FAM171B: variants seen among roughly 807,000 people sequenced by gnomAD.
FAM171B encodes family with sequence similarity 171 member B.
A neutral mutation model predicts 75.6 loss-of-function variants in FAM171B; 19 were observed. That is an observed-to-expected ratio of 0.25 (90% CI 0.18 to 0.37). The LOEUF (loss-of-function observed/expected upper bound fraction) is 0.37. Among genes scored for constraint, FAM171B ranks in the 10% least tolerant of loss-of-function variants. FAM171B has a pLI of 1.00. For synonymous variants in FAM171B, 367 were observed against 361.7 expected, an observed-to-expected ratio of 1.01 and a Z score of -0.17; for missense variants, 848 against 982.4, an observed-to-expected ratio of 0.86 and a Z score of 1.83.
chr2:186,717,858 C>T lies in FAM171B; in HGVS notation c.239-22370C>T, dbSNP rs534197868. Among the ~76,000 whole-genome samples, 65 of 152,240 alleles carry T rather than the reference C, an allele frequency of 4.3e-4. 1 individual carries two copies. The South Asian group carries it at 0.012, about 29-fold the overall frequency. Reference sequence around the variant, plus strand: ...CTTCATGCTTAGTTGTAATGACATACGGATTTGTCTGCAACCTCCTGCTAG... The same window carrying T: ...CTTCATGCTTAGTTGTAATGACATATGGATTTGTCTGCAACCTCCTGCTAG... On this transcript the variant is annotated intron_variant, in intron 1 of 7. Coordinates refer to ENST00000304698, the MANE Select transcript of FAM171B (RefSeq NM_177454.4).
chr2:186,708,190 T>C (rs1035411078), intron 1 of FAM171B, among the ~76,000 whole-genome samples: 2 of 152,196 alleles, frequency 1.3e-5, no homozygotes, highest in African/African-American at 4.8e-5. Flanking sequence ...GAAAAGGCTG[T>C]AGGACCTTGG....
At chr2:186,737,194 A>G (rs1347921975) in intron 1 of FAM171B, among the ~76,000 whole-genome samples, 2 of 152,240 alleles carry the variant, frequency 1.3e-5, no homozygotes, top group African/African-American at 2.4e-5. Flanking sequence ...AAGAGAAAGC[A>G]TCTTTCACAG....
chr2:186,739,023 A>G (rs1398322628), intron 1 of FAM171B, among the ~76,000 whole-genome samples: 3 of 152,254 alleles, frequency 2.0e-5, no homozygotes, highest in Non-Finnish European at 4.4e-5. Flanking sequence ...TCTGTACAGC[A>G]TATTACTGTA....
intron 1 of FAM171B, among the ~76,000 whole-genome samples, chr2:186,697,186 T>C (rs886575989): frequency 6.6e-6 from 1 of 152,214 alleles, no homozygotes; most frequent in Non-Finnish European, 1.5e-5. Context: ...AAATTTTGGA[T>C]CTTTAATTTT....
chr2:186,738,740 AATGT>A (rs2105785285), intron 1 of FAM171B, among the ~76,000 whole-genome samples: 1 of 152,260 alleles, frequency 6.6e-6, no homozygotes, highest in Admixed American at 6.5e-5. Context: ...ACACAATAAA[AATGT>A]ATTTTCCTTA....
At chr2:186,706,402 A>G (rs1689733824) in intron 1 of FAM171B, among the ~76,000 whole-genome samples, 2 of 152,290 alleles carry the variant, frequency 1.3e-5, no homozygotes, top group East Asian at 1.9e-4. Context: ...CACACTTCTC[A>G]TGATATCATT....
In FAM171B at chr2:186,751,388, C is replaced by A. The variant is rs886718357; in HGVS notation, c.895+84C>A. The A allele has an allele frequency of 4.8e-6, 6 of 1,244,900 alleles. No homozygotes were observed. In the Admixed American group the frequency reaches 8.7e-5, roughly 18 times the overall value. 77.1% of individuals were successfully genotyped at this position (1,244,900 alleles called of 1,614,324 possible). Reference sequence around the variant, plus strand: ...GGATGTTTTATCTTAGAACTTGATACAGCTCTAGTTTTTTAGTAACATCAC... The same window carrying A: ...GGATGTTTTATCTTAGAACTTGATAAAGCTCTAGTTTTTTAGTAACATCAC... On this transcript the variant is annotated intron_variant, in intron 5 of 7. Coordinates refer to ENST00000304698, the MANE Select transcript of FAM171B (RefSeq NM_177454.4).
At chr2:186,694,466 G>GCCTCGCCGGCTT (rs1343711557) in intron 1 of FAM171B, 55 bp downstream of exon 1, 4 of 1,552,670 alleles carry the variant, frequency 2.6e-6, no homozygotes, top group Non-Finnish European at 3.5e-6. Flanking sequence ...ATCTCTTAGG[G>GCCTCGCCGGCTT]CCTCGCCGGC....
At position 186,753,989 on chromosome 2, in the gene FAM171B, T is replaced by A; in HGVS notation, c.952T>A (p.Trp318Arg). 1 of 1,613,634 alleles carries A rather than the reference T, an allele frequency of 6.2e-7. No individual in the cohort carries two copies. The highest frequency in any genetic ancestry group is 8.5e-7 in the Non-Finnish European group (1 of 1,179,762). Reference protein sequence around the residue: ...MVKEHNNHLIWTYDAPHLGYW... With the variant: ...MVKEHNNHLIRTYDAPHLGYW... ...CAAGGAACATAACAATCATTTAATC[T>A]GGACATATGATGCACCACATTTGGG... The change falls in exon 6 of 8, where the codon TGG becomes AGG. Residue 318 changes from tryptophan (W) to arginine (R), a missense_variant. Trp to Arg is a moderately radical substitution (Grantham distance 101). Transcript: ENST00000304698.
intron 5 of FAM171B, among the ~76,000 whole-genome samples, chr2:186,753,211 C>T (rs1003847488): frequency 6.6e-6 from 1 of 152,184 alleles, no homozygotes; most frequent in Non-Finnish European, 1.5e-5. Flanking sequence ...TGCAGTGGCG[C>T]ACTCTCAGCT....
Position 186,709,092 on chromosome 2 carries a change from C to T in FAM171B, c.238+14681C>T, listed in dbSNP as rs188964853. On this transcript the variant is annotated intron_variant, in intron 1 of 7. Transcript: ENST00000304698. ...GCTCATCACACAGAGAAAGAAGGAC[C>T]GAGAGAGAGAGAGTGGGAGGTGCCG... Among the ~76,000 whole-genome samples the T allele has an allele frequency of 5.4e-4, 82 of 151,648 alleles. 1 individual carries two copies. The highest frequency in any genetic ancestry group is 1.8e-3 in the African/African-American group (76 of 41,402).
chr2:186,726,546 C>G (rs1690035856), intron 1 of FAM171B, among the ~76,000 whole-genome samples: 1 of 152,078 alleles, frequency 6.6e-6, no homozygotes, highest in African/African-American at 2.4e-5. Flanking sequence ...CTTTTCTGAA[C>G]TTTCAGCCCT....
chr2:186,761,106 CA>C lies in FAM171B; in HGVS notation c.1013-6del, dbSNP rs1313245424. On this transcript the variant is annotated splice_region_variant and splice_polypyrimidine_tract_variant and intron_variant, in intron 6 of 7. Coordinates refer to ENST00000304698, the MANE Select transcript of FAM171B (RefSeq NM_177454.4). Reference sequence around the variant, plus strand: ...CATTTTCTCTTTGTTTATATTGAACCATGTAGGTTCAGGTATAAATGAAGAT... The same window carrying C: ...CATTTTCTCTTTGTTTATATTGAACCTGTAGGTTCAGGTATAAATGAAGAT... 1 of 1,599,802 alleles carries C rather than the reference CA, an allele frequency of 6.3e-7. No homozygotes were observed.
At chr2:186,761,405 T>C (rs1690613231) in intron 7 of FAM171B, 74 bp from the exon 8 acceptor site, 1 of 1,492,890 alleles carries the variant, frequency 6.7e-7, no homozygotes, top group East Asian at 2.3e-5. Context: ...ATATGTAGAT[T>C]GGGAGTGATT....
At chr2:186,722,328 T>C (rs1185836990) in intron 1 of FAM171B, among the ~76,000 whole-genome samples, 1 of 152,212 alleles carries the variant, frequency 6.6e-6, no homozygotes, top group Non-Finnish European at 1.5e-5. Context: ...TTGTTCATTT[T>C]AGATGTTCAA....
At chr2:186,761,436 T>C in intron 7 of FAM171B, 43 bp from the exon 8 acceptor site, 2 of 1,522,458 alleles carry the variant, frequency 1.3e-6, no homozygotes, top group Non-Finnish European at 1.7e-6. Context: ...GAACCATTTG[T>C]GTCATAACTT....
At chr2:186,723,917 A>C (rs1370736049) in intron 1 of FAM171B, among the ~76,000 whole-genome samples, 1 of 152,232 alleles carries the variant, frequency 6.6e-6, no homozygotes, top group Non-Finnish European at 1.5e-5. Context: ...TCATTAATTC[A>C]AATATTCGTT....
intron 1 of FAM171B, among the ~76,000 whole-genome samples, chr2:186,694,630 G>A (rs1689552711): frequency 6.6e-6 from 1 of 152,104 alleles, no homozygotes; most frequent in African/African-American, 2.4e-5. Context: ...GCAGCTCAGA[G>A]CACTGCGGTG....
intron 5 of FAM171B, 141 bp downstream of exon 5, chr2:186,751,445 C>T (rs779532018): frequency 1.6e-5 from 10 of 632,986 alleles, no homozygotes; most frequent in Non-Finnish European, 2.4e-5. Flanking sequence ...AAATTGACTT[C>T]ACTTTGATTA....
Sources: gnomAD v4.1 joint callset for allele counts (sites outside exome capture counted in the v4.1 genomes callset) on GRCh38, gnomAD v4.1.1 for gene constraint, MANE v1.5 for transcripts, NCBI Gene and HGNC (gene_info 2026-07-23, HGNC 2026-07-21) for gene names.